Variants in WDR62 observed in about 807,000 individuals in gnomAD.
WDR62 encodes the protein WD repeat domain 62.
WDR62 carries 112 observed loss-of-function variants against 160.6 expected under a neutral mutation model. The observed-to-expected ratio is 0.70, with a 90% CI of 0.60 to 0.82. The LOEUF (loss-of-function observed/expected upper bound fraction) is 0.82, where lower values mean the gene tolerates loss of function less well. Ranked by LOEUF, WDR62 falls within the 40% of genes least tolerant of loss-of-function variation. The probability of loss-of-function intolerance (pLI) is 0.00; values close to 1 mark genes in which losing one functional copy is unlikely to be tolerated. For synonymous variants in WDR62, 792 were observed against 815.1 expected (o/e 0.97, Z 0.48); for missense variants, 1,819 against 1,983.8 (o/e 0.92, Z 1.58).
chr19:36,083,958 T>C (rs1972053764), intron 11 of WDR62, among the ~76,000 whole-genome samples: 1 of 152,188 alleles, frequency 6.6e-6, no homozygotes, highest in South Asian at 2.1e-4. Context: ...TATCAGTCAC[T>C]GTATGAGACC....
chr19:36,065,266 G>A (rs1192229333), intron 3 of WDR62, among the ~76,000 whole-genome samples: 2 of 152,090 alleles, frequency 1.3e-5, no homozygotes, highest in Non-Finnish European at 2.9e-5. Flanking sequence ...GTCTCACTTA[G>A]CGACATTTAC....
At chr19:36,109,679 T>C (rs2145897677), downstream of WDR62, among the ~76,000 whole-genome samples, 1 of 151,248 alleles carries the variant, frequency 6.6e-6, no homozygotes, top group African/African-American at 2.4e-5. Context: ...GGCTGCAGTG[T>C]GTGGAGATCG....
rs373450578 is a variant in WDR62 at position 36,101,267 on chromosome 19, C to T, written c.2921C>T (p.Ser974Phe). Reference sequence around the variant, plus strand: ...GGGCCTGGAGACCAGCAGGGCGACTCCTACCTCAGGGTGTCCTCCGACAGC... The same window carrying T: ...GGGCCTGGAGACCAGCAGGGCGACTTCTACCTCAGGGTGTCCTCCGACAGC... The part of the protein sequence containing the change: ...EAGPGDQQGD[S>F]YLRVSSDSPK... The change falls in exon 24 of 32, where the codon TCC (serine) becomes TTC (phenylalanine). Residue 974 changes from serine (S) to phenylalanine (F), a missense_variant. Transcript: ENST00000401500. 2.0e-5 allele frequency: 32 copies of T among 1,613,010 alleles called. No individual in the cohort carries two copies. The highest frequency in any genetic ancestry group is 2.5e-5 in the Non-Finnish European group (29 of 1,179,844).
Position 36,103,477 on chromosome 19 carries a change from T to A in WDR62, c.3649T>A (p.Tyr1217Asn). ...QGVHAPSTCS[Y>N]MEATASSRAR... ...TGTCCATGCCCCCTCCACCTGTTCC[T>A]ACATGGAGGCCACTGCCAGCTCCCG... The change falls in exon 30 of 32, where the codon TAC (tyrosine) becomes AAC (asparagine). Residue 1217 changes from tyrosine (Y) to asparagine (N), a missense_variant. By Grantham distance (143) the Tyr-to-Asn change is moderately radical (BLOSUM62 -2). Around this residue, in one of 3 missense-constraint regions of WDR62, gnomAD observed 770 missense variants for 734.2 expected, o/e 1.05. Coordinates refer to ENST00000401500, the MANE Select transcript of WDR62 (RefSeq NM_001083961.2). 6.2e-7 allele frequency: 1 copy of A among 1,614,090 alleles called. No homozygotes were observed. The highest frequency in any genetic ancestry group is 1.1e-5 in the South Asian group (1 of 91,080).
intron 21 of WDR62, among the ~76,000 whole-genome samples, chr19:36,098,100 A>G (rs540023070): frequency 6.6e-6 from 1 of 151,334 alleles, no homozygotes; most frequent in South Asian, 2.1e-4. Context: ...TGAGACTCCC[A>G]TCTCTACAAA....
intron 10 of WDR62, 34 bp from the exon 11 acceptor site, chr19:36,083,029 G>C: frequency 6.3e-7 from 1 of 1,596,690 alleles, no homozygotes; most frequent in South Asian, 1.1e-5. Flanking sequence ...CTTCTGAGCT[G>C]CTCGTGCTGA....
chr19:36,097,553 C>T (rs561613685), intron 21 of WDR62, among the ~76,000 whole-genome samples: 37 of 151,324 alleles, frequency 2.4e-4, no homozygotes, highest in Admixed American at 1.2e-3. Context: ...TACACTCCAG[C>T]GTGGGCAACA....
chr19:36,101,981 G>A, intron 25 of WDR62, 33 bp from the exon 26 acceptor site: 1 of 1,613,724 alleles, frequency 6.2e-7, no homozygotes, highest in Middle Eastern at 1.6e-4. Context: ...CATGGTGTTG[G>A]CTCCTCTTGT....
chr19:36,101,188 CCT>C (rs1208829595), intron 23 of WDR62, 24 bp from the exon 24 acceptor site: 1 of 1,594,308 alleles, frequency 6.3e-7, no homozygotes, highest in Non-Finnish European at 8.6e-7. Context: ...GTCCTTGTTC[CCT>C]CTCTGCCCCC....
chr19:36,069,290 C>A (rs995658488), intron 7 of WDR62, among the ~76,000 whole-genome samples: 3 of 151,398 alleles, frequency 2.0e-5, no homozygotes, highest in Admixed American at 6.6e-5. Context: ...GGCTGCCGGG[C>A]GGAGGGGCTC....
Position 36,081,991 on chromosome 19 carries a change from G to A in WDR62, c.1371+421G>A, listed in dbSNP as rs189770567. The A allele has an allele frequency of 3.2e-5, 12 of 371,268 alleles. No individual in the cohort carries two copies. The East Asian group carries it at 8.7e-4, about 27-fold the overall frequency. 23.0% of individuals were successfully genotyped at this position (371,268 alleles called of 1,614,324 possible). ...CTGGCGAGAGCCATGATGGGAGGCTGGGAAGAAAAGTTTGCTGAGGAAATT... is the reference window on the plus strand; with the variant it reads ...CTGGCGAGAGCCATGATGGGAGGCTAGGAAGAAAAGTTTGCTGAGGAAATT... On this transcript the variant is annotated intron_variant, in intron 10 of 31. Transcript: ENST00000401500.
intron 3 of WDR62, 24 bp downstream of exon 3, chr19:36,060,054 G>A (rs1470922481): frequency 2.5e-6 from 4 of 1,613,758 alleles, no homozygotes; most frequent in Admixed American, 1.7e-5. Context: ...TGGGCCCGGG[G>A]CAGGGGTGGA....
chr19:36,086,923 C>A, intron 13 of WDR62, 111 bp downstream of exon 13: 1 of 1,413,408 alleles, frequency 7.1e-7, no homozygotes, highest in Non-Finnish European at 9.6e-7. Context: ...AATACAGTAT[C>A]TGTGTACAGT....
At position 36,090,523 on chromosome 19, in the gene WDR62, G is replaced by A; in HGVS notation, c.2034+3G>A. 1.2e-6 allele frequency: 2 copies of A among 1,613,950 alleles called. No homozygotes were observed. The highest frequency in any genetic ancestry group is 1.7e-6 in the Non-Finnish European group (2 of 1,179,870). On this transcript the variant is annotated splice_donor_region_variant and intron_variant, in intron 16 of 31. Transcript: ENST00000401500. ...GTGACGAAGGGTCCTTGCTGAAGGT[G>A]AGGAGTTGGAGACCCCTGTCTGTCT...
chr19:36,101,088 CG>C (rs1285357117), intron 23 of WDR62, 125 bp from the exon 24 acceptor site: 2 of 1,158,878 alleles, frequency 1.7e-6, no homozygotes, highest in Non-Finnish European at 2.5e-6. Flanking sequence ...TTGGAGGAGG[CG>C]GGGAGGCTGT....
intron 9 of WDR62, chr19:36,073,886 G>T: frequency 2.7e-6 from 1 of 373,142 alleles, no homozygotes; most frequent in South Asian, 2.0e-5. Flanking sequence ...AGGAAATCGG[G>T]GAGTGAGACC....
intron 20 of WDR62, among the ~76,000 whole-genome samples, chr19:36,096,275 G>T (rs1032842751): frequency 6.6e-6 from 1 of 151,962 alleles, no homozygotes; most frequent in Non-Finnish European, 1.5e-5. Context: ...TGTATCAGGG[G>T]ATGGTGTGTG....
At chr19:36,107,232 C>T (rs944929620), downstream of WDR62, among the ~76,000 whole-genome samples, 1 of 152,186 alleles carries the variant, frequency 6.6e-6, no homozygotes, top group South Asian at 2.1e-4. Flanking sequence ...CTTATGGCCT[C>T]ATGGTTGCAA....
In WDR62 at chr19:36,071,628, A is replaced by G. The variant is rs758797916; in HGVS notation, c.955A>G (p.Ile319Val). 49 of 1,614,206 alleles carry G rather than the reference A, an allele frequency of 3.0e-5. No homozygotes were observed. Among genetic ancestry groups the G allele is most frequent in the Non-Finnish European group, 4.2e-5 (49 of 1,180,036 alleles). ...TGGCTGCACAGATGGGATAGTCCGC[A>G]TCTTCCAGGCCCATAGCCTGCACTA... The part of the protein sequence containing the change: ...FCGCTDGIVR[I>V]FQAHSLHYLA... Residue 319 changes from isoleucine to valine, a missense_variant, in exon 8 of 32, where the codon ATC becomes GTC. Around this residue, in one of 3 missense-constraint regions of WDR62, gnomAD observed 934 missense variants for 1,157.2 expected, o/e 0.81. Coordinates refer to ENST00000401500, the MANE Select transcript of WDR62 (RefSeq NM_001083961.2).
Sources: allele counts gnomAD v4.1 joint callset (sites outside exome capture counted in the v4.1 genomes callset), GRCh38; gene constraint gnomAD v4.1.1; regional missense constraint gnomAD v4.1.1; transcripts MANE v1.5; gene names NCBI Gene and HGNC (gene_info 2026-07-23, HGNC 2026-07-21).